Variants in MYO16 observed in about 807,000 individuals in gnomAD.
MYO16 encodes the protein unconventional myosin-XVI.
A neutral mutation model predicts 205.3 loss-of-function variants in MYO16; 94 were observed. That is an observed-to-expected ratio of 0.46 (90% CI 0.39 to 0.54). The LOEUF (loss-of-function observed/expected upper bound fraction) is 0.54, where lower values mean the gene tolerates loss of function less well. MYO16 is among the 20% of genes least tolerant of loss of function. The probability of loss-of-function intolerance (pLI) is 0.00; values close to 1 mark genes in which losing one functional copy is unlikely to be tolerated. For synonymous variants in MYO16, 988 were observed against 954.0 expected (o/e 1.04, Z -0.66); for missense variants, 2,315 against 2,387.5 (o/e 0.97, Z 0.63).
chr13:108,558,695 C>T, the MYO16 span, among the ~76,000 whole-genome samples: 3 of 152,154 alleles, frequency 2.0e-5, no homozygotes, highest in African/African-American at 7.2e-5. Flanking sequence ...TGCCCTTGCT[C>T]CTGCTGCCTC....
chr13:108,975,359 G>A (rs925241825), intron 20 of MYO16, among the ~76,000 whole-genome samples: 7 of 151,948 alleles, frequency 4.6e-5, no homozygotes, highest in East Asian at 3.8e-4. Flanking sequence ...CAACAAAGAG[G>A]TTTTTTATAA....
At chr13:109,165,328 G>A (rs977693949) in intron 33 of MYO16, among the ~76,000 whole-genome samples, 1 of 152,122 alleles carries the variant, frequency 6.6e-6, no homozygotes, top group African/African-American at 2.4e-5. Flanking sequence ...CTTATACTGA[G>A]CAGAAGAAGG....
In MYO16 at chr13:108,964,876, C is replaced by T. The variant is rs751439249; in HGVS notation, c.2343C>T (p.Cys781=). Residue 781 remains cysteine (C), a synonymous_variant, in exon 20 of 35, where the codon TGC becomes TGT. Transcript: ENST00000457511. The stretch of plus-strand genomic sequence containing the variant: ...TTTTGGTGAATACCATGAATTCTTG[C>T]CTCCACAGTCAAGATGAACAGAAAA... ...FSFLVNTMNS[C]LHSQDEQKSM... is the part of the protein sequence containing the mutation. The T allele has an allele frequency of 2.5e-6, 4 of 1,612,718 alleles. No individual in the cohort carries two copies. Among genetic ancestry groups the T allele is most frequent in the Admixed American group, 3.3e-5 (2 of 59,962 alleles).
Position 108,790,963 on chromosome 13 carries a change from C to T in MYO16, c.617-2553C>T, listed in dbSNP as rs182527736. Among the ~76,000 whole-genome samples, 27 of 152,242 alleles carry T rather than the reference C, an allele frequency of 1.8e-4. No homozygotes were observed. The East Asian group carries it at 4.8e-3, about 27-fold the overall frequency. On this transcript the variant is annotated intron_variant, in intron 5 of 34. Coordinates refer to ENST00000457511, the MANE Select transcript of MYO16 (RefSeq NM_001198950.3). ...AAAAGATACATACAACTTTAGTAGA[C>T]GTTGTAACATCCTAAAAGTTAACAA...
chr13:108,939,034 C>G (rs893314902), intron 16 of MYO16, among the ~76,000 whole-genome samples: 2 of 152,218 alleles, frequency 1.3e-5, no homozygotes, highest in Non-Finnish European at 2.9e-5. Flanking sequence ...TGCTGAGGTA[C>G]TTTCACAGTT....
intron 16 of MYO16, among the ~76,000 whole-genome samples, chr13:108,921,354 C>T (rs561313693): frequency 6.6e-6 from 1 of 152,292 alleles, no homozygotes; most frequent in Middle Eastern, 3.4e-3. Context: ...CAAATCTACT[C>T]CAGCCTGGCC....
At chr13:108,673,785 C>T (rs1206818205) in intron 2 of MYO16, among the ~76,000 whole-genome samples, 1 of 152,110 alleles carries the variant, frequency 6.6e-6, no homozygotes, top group East Asian at 1.9e-4. Context: ...CTTAACTTTT[C>T]TGATGATGTT....
intron 9 of MYO16, among the ~76,000 whole-genome samples, chr13:108,830,432 A>G (rs1440313863): frequency 4.0e-5 from 6 of 151,580 alleles, no homozygotes; most frequent in Non-Finnish European, 8.8e-5. Flanking sequence ...GTGCAGCCAT[A>G]AAAAAGGATG....
rs552539166 is a variant in MYO16, at chr13:109,127,522, C to T, written c.4023C>T (p.Leu1341=). ...SASYEAVSAC[L]SAAREAANEA... The stretch of plus-strand genomic sequence containing the variant: ...CCTATGAGGCTGTGAGCGCCTGCCT[C>T]TCCGCGGCCAGGGAAGCGGCCAACG... The change falls in exon 31 of 35, where the codon CTC becomes CTT. Residue 1341 remains leucine, a synonymous_variant. Coordinates refer to ENST00000457511, the MANE Select transcript of MYO16 (RefSeq NM_001198950.3). This position sits in a 1 kb window ranked among gnomAD's most constrained non-coding sequence, Gnocchi z 4.2. The T allele has an allele frequency of 1.2e-6, 2 of 1,612,344 alleles. No homozygotes were observed. Among genetic ancestry groups the T allele is most frequent in the Non-Finnish European group, 1.7e-6 (2 of 1,179,858 alleles).
At chr13:108,649,681 A>G (rs1482826570) in intron 1 of MYO16, among the ~76,000 whole-genome samples, 1 of 152,226 alleles carries the variant, frequency 6.6e-6, no homozygotes, top group Non-Finnish European at 1.5e-5. Context: ...CTGAATTGGT[A>G]TAATAACAAA....
At position 109,073,892 on chromosome 13, in the gene MYO16, G is replaced by A. The variant is rs117815457; in HGVS notation, c.3335+18297G>A. 4.5e-3 allele frequency among the ~76,000 whole-genome samples: 684 copies of A among 152,266 alleles called. 5 individuals carry two copies. Among genetic ancestry groups the A allele is most frequent in the Non-Finnish European group, 6.6e-3 (448 of 68,028 alleles). ...TCTGCCTAGCAGTTTGGTGAGCTAC[G>A]CTGTGATTCCTGTCAAGATCTCAAG... On this transcript the variant is annotated intron_variant, in intron 27 of 34. Transcript: ENST00000457511.
chr13:108,734,374 G>T (rs941089092), intron 4 of MYO16, among the ~76,000 whole-genome samples: 1 of 151,876 alleles, frequency 6.6e-6, no homozygotes, highest in African/African-American at 2.4e-5. Flanking sequence ...AATTGATATC[G>T]CTTCCTCACA....
chr13:108,926,475 A>G (rs1369386559), intron 16 of MYO16, among the ~76,000 whole-genome samples: 4 of 152,202 alleles, frequency 2.6e-5, no homozygotes, highest in Admixed American at 1.3e-4. Flanking sequence ...TAACTGAAGA[A>G]TCTCGGGTGC....
chr13:108,774,612 T>TA (rs1229670321), intron 4 of MYO16, among the ~76,000 whole-genome samples: 1 of 152,184 alleles, frequency 6.6e-6, no homozygotes, highest in East Asian at 1.9e-4. Context: ...GTTGTACAAA[T>TA]ACAGCATTTT....
intron 3 of MYO16, among the ~76,000 whole-genome samples, chr13:108,715,722 A>T (rs1003519996): frequency 6.6e-6 from 1 of 152,232 alleles, no homozygotes; most frequent in South Asian, 2.1e-4. Context: ...AGGGATAAGC[A>T]GATGATAGCG....
chr13:108,510,328 A>G, the MYO16 span, among the ~76,000 whole-genome samples: 1 of 151,560 alleles, frequency 6.6e-6, no homozygotes, highest in Non-Finnish European at 1.5e-5. Context: ...CGTGTTAGGC[A>G]GGATGGTCTC....
intron 21 of MYO16, among the ~76,000 whole-genome samples, chr13:108,997,379 A>G (rs1452026051): frequency 0.075 from 4,449 of 59,524 alleles, 353 homozygotes; most frequent in South Asian, 0.12. Flanking sequence ...AGAGAGAGAG[A>G]GAGAGAGAGA....
At chr13:108,956,139 C>G (rs1566430979) in intron 16 of MYO16, among the ~76,000 whole-genome samples, 2 of 152,156 alleles carry the variant, frequency 1.3e-5, no homozygotes, top group African/African-American at 4.8e-5. Context: ...TGTCTAATAT[C>G]AAATATAAGA....
At chr13:108,636,894 A>G (rs1297265760) in intron 1 of MYO16, among the ~76,000 whole-genome samples, 1 of 152,148 alleles carries the variant, frequency 6.6e-6, no homozygotes, top group Admixed American at 6.5e-5. Context: ...TACCCACACT[A>G]TTTTATAATA....
Sources: allele counts gnomAD v4.1 joint callset (sites outside exome capture counted in the v4.1 genomes callset), GRCh38; gene constraint gnomAD v4.1.1; non-coding constraint Gnocchi (gnomAD v3.1); transcripts MANE v1.5; gene names NCBI Gene and HGNC (gene_info 2026-07-23, HGNC 2026-07-21).